Variants in ST6GALNAC3 observed in about 807,000 individuals in gnomAD.
The protein encoded by ST6GALNAC3 is alpha-N-acetylgalactosaminide alpha-2,6-sialyltransferase 3.
Under a neutral mutation model 32.7 loss-of-function variants are expected in ST6GALNAC3, and 25 were observed. The observed-to-expected ratio is 0.76, with a 90% CI of 0.56 to 1.07. The LOEUF (loss-of-function observed/expected upper bound fraction) is 1.07, where lower values mean the gene tolerates loss of function less well. Ranked by LOEUF, ST6GALNAC3 falls within the 50% of genes least tolerant of loss-of-function variation. The pLI, the probability that ST6GALNAC3 is intolerant of heterozygous loss-of-function variation, is 0.00. For synonymous variants in ST6GALNAC3, 129 were observed against 133.1 expected, an observed-to-expected ratio of 0.97 and a Z score of 0.21; for missense variants, 355 against 382.4, an observed-to-expected ratio of 0.93 and a Z score of 0.60.
At chr1:76,587,906 T>C (rs1458013775) in intron 3 of ST6GALNAC3, among the ~76,000 whole-genome samples, 2 of 152,014 alleles carry the variant, frequency 1.3e-5, no homozygotes, top group African/African-American at 4.8e-5. Flanking sequence ...TCCATAAACA[T>C]CCATCGGTTA....
chr1:76,635,892 C>T (rs1378841048), downstream of ST6GALNAC3, among the ~76,000 whole-genome samples: 4 of 152,114 alleles, frequency 2.6e-5, no homozygotes, highest in East Asian at 1.9e-4. Context: ...GCCTCACTCG[C>T]GTGCCTTGGT....
intron 1 of ST6GALNAC3, among the ~76,000 whole-genome samples, chr1:76,206,663 G>A (rs1046340031): frequency 6.6e-6 from 1 of 152,080 alleles, no homozygotes; most frequent in African/African-American, 2.4e-5. Flanking sequence ...AACCCGGGAG[G>A]TGGAGTTTGC....
intron 1 of ST6GALNAC3, among the ~76,000 whole-genome samples, chr1:76,181,303 T>C (rs1335946815): frequency 6.6e-6 from 1 of 152,236 alleles, no homozygotes; most frequent in Non-Finnish European, 1.5e-5. Context: ...ATCCAGGAAC[T>C]GGCTTTAATC....
chr1:76,092,964 G>A (rs1042413775), intron 1 of ST6GALNAC3, among the ~76,000 whole-genome samples: 1 of 152,156 alleles, frequency 6.6e-6, no homozygotes, highest in Admixed American at 6.5e-5. Context: ...TTCTCTGGAC[G>A]TGTCTTTAGA....
At chr1:76,145,527 C>G (rs1650623671) in intron 1 of ST6GALNAC3, among the ~76,000 whole-genome samples, 1 of 152,192 alleles carries the variant, frequency 6.6e-6, no homozygotes, top group Non-Finnish European at 1.5e-5. Context: ...TTGAGAAGCA[C>G]CAGCCTGTTG....
At chr1:76,165,740 G>T (rs1652081344) in intron 1 of ST6GALNAC3, among the ~76,000 whole-genome samples, 1 of 152,074 alleles carries the variant, frequency 6.6e-6, no homozygotes, top group South Asian at 2.1e-4. Flanking sequence ...TCTCATTGTG[G>T]TTTTGATTTG....
chr1:76,131,150 G>A (rs373342507), intron 1 of ST6GALNAC3, among the ~76,000 whole-genome samples: 7 of 152,200 alleles, frequency 4.6e-5, no homozygotes, highest in African/African-American at 1.2e-4. Flanking sequence ...AACCTTCTCC[G>A]TAATACTCTG....
At chr1:76,578,152 A>T (rs1646838508) in intron 3 of ST6GALNAC3, among the ~76,000 whole-genome samples, 1 of 152,098 alleles carries the variant, frequency 6.6e-6, no homozygotes, top group Non-Finnish European at 1.5e-5. Context: ...TGTACATGCC[A>T]CATATTTGGC....
chr1:76,358,403 TC>T (rs1018506421), intron 2 of ST6GALNAC3, among the ~76,000 whole-genome samples: 2 of 152,154 alleles, frequency 1.3e-5, no homozygotes, highest in African/African-American at 4.8e-5. Context: ...TTTGCAGCCT[TC>T]CCTGTATTAA....
chr1:76,278,323 G>A (rs563087213), intron 1 of ST6GALNAC3, among the ~76,000 whole-genome samples: 116 of 149,774 alleles, frequency 7.7e-4, no homozygotes, highest in African/African-American at 2.8e-3. Flanking sequence ...CCGGGTTCAC[G>A]CCATTCTCCT....
rs181530638 is a variant in ST6GALNAC3 at position 76,471,316 on chromosome 1, T to C, written c.623+58899T>C. Among the ~76,000 whole-genome samples, 244 of 152,254 alleles carry C rather than the reference T, an allele frequency of 1.6e-3. 1 individual carries two copies. Among genetic ancestry groups the C allele is most frequent in the African/African-American group, 5.5e-3 (228 of 41,560 alleles). On this transcript the variant is annotated intron_variant, in intron 3 of 4. Coordinates refer to ENST00000328299, the MANE Select transcript of ST6GALNAC3 (RefSeq NM_152996.4). ...CATCTACTGTCTATAGCACTTAACA[T>C]GAACCTATCTTAAAGCACTTACTGT...
intron 1 of ST6GALNAC3, among the ~76,000 whole-genome samples, chr1:76,163,651 T>TC (rs1199919082): frequency 1.3e-5 from 2 of 152,234 alleles, no homozygotes; most frequent in South Asian, 2.1e-4. Flanking sequence ...GTATTTTTTT[T>TC]CTGTGTTGGT....
intron 3 of ST6GALNAC3, among the ~76,000 whole-genome samples, chr1:76,419,902 TTTTC>T (rs969053451): frequency 1.3e-5 from 2 of 151,968 alleles, no homozygotes; most frequent in Non-Finnish European, 1.5e-5. Flanking sequence ...AGTTAGCTCT[TTTTC>T]TTTCTTTCTT....
chr1:76,165,368 C>A (rs1263023267), intron 1 of ST6GALNAC3, among the ~76,000 whole-genome samples: 1 of 152,114 alleles, frequency 6.6e-6, no homozygotes, highest in African/African-American at 2.4e-5. Flanking sequence ...TTAATGGTTG[C>A]ATAGTATTCC....
At chr1:76,401,962 G>A (rs1253753407) in intron 2 of ST6GALNAC3, among the ~76,000 whole-genome samples, 2 of 152,122 alleles carry the variant, frequency 1.3e-5, no homozygotes, top group East Asian at 1.9e-4. Context: ...TTTAGTGTTA[G>A]TGAGCTCTAG....
chr1:76,239,314 A>C (rs1656836578), intron 1 of ST6GALNAC3, among the ~76,000 whole-genome samples: 1 of 152,094 alleles, frequency 6.6e-6, no homozygotes, highest in African/African-American at 2.4e-5. Context: ...TCTTCCGTGG[A>C]GGAAGGGGGA....
intron 3 of ST6GALNAC3, among the ~76,000 whole-genome samples, chr1:76,525,548 T>C (rs949721937): frequency 6.6e-6 from 1 of 151,524 alleles, no homozygotes; most frequent in African/African-American, 2.4e-5. Context: ...GCCCAGTTGT[T>C]TTGGCAGAAT....
chr1:76,542,613 C>A (rs999390758), intron 3 of ST6GALNAC3, among the ~76,000 whole-genome samples: 8 of 152,110 alleles, frequency 5.3e-5, no homozygotes, highest in Non-Finnish European at 1.0e-4. Flanking sequence ...TCTCTCTAGT[C>A]AATTAATATG....
chr1:76,338,153 A>G (rs1209500261), intron 2 of ST6GALNAC3, among the ~76,000 whole-genome samples: 2 of 152,216 alleles, frequency 1.3e-5, no homozygotes, highest in East Asian at 1.9e-4. Context: ...TTTGCAAAGC[A>G]TAGGGAAAGT....
Sources: allele counts gnomAD v4.1 joint callset (sites outside exome capture counted in the v4.1 genomes callset), GRCh38; gene constraint gnomAD v4.1.1; transcripts MANE v1.5; gene names NCBI Gene and HGNC (gene_info 2026-07-23, HGNC 2026-07-21).